The following MTHFD2L variants were observed in gnomAD, a reference collection of about 807,000 sequenced individuals.
The protein encoded by MTHFD2L is methylenetetrahydrofolate dehydrogenase (NADP+ dependent) 2 like.
MTHFD2L carries 29 observed loss-of-function variants against 34.9 expected under a neutral mutation model. That is an observed-to-expected ratio of 0.83 (90% CI 0.62 to 1.13). MTHFD2L has a LOEUF of 1.13. Among genes scored for constraint, MTHFD2L ranks in the 50% most tolerant of loss-of-function variants. MTHFD2L has a pLI of 0.00. For synonymous variants in MTHFD2L, 167 were observed against 155.7 expected (o/e 1.07, Z -0.54); for missense variants, 481 against 446.5 (o/e 1.08, Z -0.70).
intron 6 of MTHFD2L, among the ~76,000 whole-genome samples, chr4:74,274,022 T>TC (rs397949435): frequency 1.3e-5 from 2 of 151,722 alleles, no homozygotes; most frequent in South Asian, 2.1e-4. Flanking sequence ...ATTTTTTTTT[T>TC]CTTTTTTCAA....
intron 5 of MTHFD2L, among the ~76,000 whole-genome samples, chr4:74,205,783 G>C (rs1735190367): frequency 6.6e-6 from 1 of 152,052 alleles, no homozygotes; most frequent in Non-Finnish European, 1.5e-5. Context: ...TAAAGAGTAG[G>C]TGAGAGATGG....
intron 3 of MTHFD2L, chr4:74,195,079 C>G (rs181875309): frequency 6.6e-6 from 1 of 152,188 alleles, no homozygotes; most frequent in South Asian, 2.1e-4. Flanking sequence ...TTTAGGAAAG[C>G]CTTCCAGGCA....
At chr4:74,204,648 T>C (rs1439997516) in intron 5 of MTHFD2L, among the ~76,000 whole-genome samples, 1 of 152,180 alleles carries the variant, frequency 6.6e-6, no homozygotes, top group African/African-American at 2.4e-5. Context: ...GGTATCAATA[T>C]ATTGCATGCT....
chr4:74,160,514 A>G (rs948115804), intron 1 of MTHFD2L: 8 of 153,136 alleles, frequency 5.2e-5, no homozygotes, highest in African/African-American at 1.7e-4. Context: ...TTCTTCTCTC[A>G]ATGAGTTTTC....
intron 7 of MTHFD2L, among the ~76,000 whole-genome samples, chr4:74,294,167 C>G (rs577729886): frequency 6.6e-6 from 1 of 152,166 alleles, no homozygotes; most frequent in Middle Eastern, 3.4e-3. Context: ...TTCTCCACTC[C>G]AAAAATAAAT....
At chr4:74,212,526 A>T (rs890648296) in intron 5 of MTHFD2L, among the ~76,000 whole-genome samples, 4 of 152,110 alleles carry the variant, frequency 2.6e-5, no homozygotes, top group African/African-American at 4.8e-5. Context: ...CTTAATCCTG[A>T]GCTCCAATTT....
Position 74,238,487 on chromosome 4 carries a change from G to A in MTHFD2L, c.805+13093G>A, listed in dbSNP as rs186637590. ...AAAGCAATGGCAACAAAAGCCAAAA[G>A]AGACAAATGGGATCTAATTAAAGAG... On this transcript the variant is annotated intron_variant, in intron 6 of 7. Coordinates refer to ENST00000325278, the MANE Select transcript of MTHFD2L (RefSeq NM_001144978.3). Among the ~76,000 whole-genome samples the A allele has an allele frequency of 9.9e-5, 15 of 152,234 alleles. No homozygotes were observed. The East Asian group carries it at 2.9e-3, about 29-fold the overall frequency.
intron 6 of MTHFD2L, among the ~76,000 whole-genome samples, chr4:74,277,701 T>G (rs1746863181): frequency 6.6e-6 from 1 of 152,156 alleles, no homozygotes; most frequent in Non-Finnish European, 1.5e-5. Context: ...TCCTTTCTTC[T>G]CTCCAAAACC....
upstream of MTHFD2L, among the ~76,000 whole-genome samples, chr4:74,119,783 AAAAAAAAAC>A (rs1220730105): frequency 6.6e-6 from 1 of 150,632 alleles, no homozygotes; most frequent in Admixed American, 6.6e-5. Flanking sequence ...ACTCCATCTC[AAAAAAAAAC>A]AAAAAAAACA....
At chr4:74,260,328 T>C (rs1744524487) in intron 6 of MTHFD2L, among the ~76,000 whole-genome samples, 1 of 152,156 alleles carries the variant, frequency 6.6e-6, no homozygotes, top group Non-Finnish European at 1.5e-5. Context: ...CTGTATCCAC[T>C]CTCAATGCCT....
intron 1 of MTHFD2L, among the ~76,000 whole-genome samples, chr4:74,143,008 T>C (rs1263882527): frequency 6.6e-6 from 1 of 152,234 alleles, no homozygotes; most frequent in Non-Finnish European, 1.5e-5. Context: ...TGGATGCATG[T>C]GTTACTGATT....
At chr4:74,196,817 A>G (rs904160965) in intron 3 of MTHFD2L, among the ~76,000 whole-genome samples, 5 of 151,924 alleles carry the variant, frequency 3.3e-5, no homozygotes, top group Non-Finnish European at 7.4e-5. Context: ...ATGGTGGCAC[A>G]TGCCTATAGT....
At chr4:74,250,021 T>TG (rs36170812) in intron 6 of MTHFD2L, among the ~76,000 whole-genome samples, 143,545 of 151,918 alleles carry the variant, frequency 0.94, 68,106 homozygotes, top group Non-Finnish European at 0.99. Flanking sequence ...ATCTGAATGT[T>TG]GCCTGCCTTG....
At chr4:74,264,583 T>C (rs1323430267) in intron 6 of MTHFD2L, among the ~76,000 whole-genome samples, 1 of 150,892 alleles carries the variant, frequency 6.6e-6, no homozygotes, top group Non-Finnish European at 1.5e-5. Flanking sequence ...ATCCACTTAG[T>C]AAGAGATAAG....
chr4:74,168,567 T>TA (rs1468322193), intron 1 of MTHFD2L, among the ~76,000 whole-genome samples: 1 of 152,240 alleles, frequency 6.6e-6, no homozygotes, highest in Admixed American at 6.5e-5. Flanking sequence ...TCAACTAGAA[T>TA]ATAGTTTCCA....
At chr4:74,271,059 T>C (rs1166666789) in intron 6 of MTHFD2L, among the ~76,000 whole-genome samples, 1 of 152,206 alleles carries the variant, frequency 6.6e-6, no homozygotes, top group Non-Finnish European at 1.5e-5. Context: ...TATTTGTAGA[T>C]TCTGAATATT....
At chr4:74,186,465 A>G (rs890372847) in intron 3 of MTHFD2L, among the ~76,000 whole-genome samples, 5 of 142,792 alleles carry the variant, frequency 3.5e-5, no homozygotes, top group Non-Finnish European at 6.1e-5. Flanking sequence ...AAAAACAGCT[A>G]CTAGTACTAA....
At chr4:74,161,203 A>G (rs1476822893) in intron 1 of MTHFD2L, 1 of 152,196 alleles carries the variant, frequency 6.6e-6, no homozygotes, top group Non-Finnish European at 1.5e-5. Flanking sequence ...CTAGTAAAAG[A>G]TACTTATTTG....
chr4:74,258,828 T>C (rs549639334), intron 6 of MTHFD2L, among the ~76,000 whole-genome samples: 56 of 152,296 alleles, frequency 3.7e-4, no homozygotes, highest in African/African-American at 1.3e-3. Flanking sequence ...CAATATTTTT[T>C]ATTAAGTCAG....
Sources: gnomAD v4.1 joint callset for allele counts (sites outside exome capture counted in the v4.1 genomes callset) on GRCh38, gnomAD v4.1.1 for gene constraint, MANE v1.5 for transcripts, NCBI Gene and HGNC (gene_info 2026-07-23, HGNC 2026-07-21) for gene names.